The following CDK15 variants were observed in gnomAD, a reference collection of about 807,000 sequenced individuals.
CDK15 encodes the protein cyclin-dependent kinase 15.
In CDK15, 62 loss-of-function variants were observed where a neutral mutation model predicts 60.3. That is an observed-to-expected ratio of 1.03 (90% CI 0.84 to 1.27). CDK15 has a LOEUF of 1.27. Among genes scored for constraint, CDK15 ranks in the 50% most tolerant of loss-of-function variants. The pLI is 0.00. For synonymous variants in CDK15, 194 were observed against 195.7 expected, an observed-to-expected ratio of 0.99 and a Z score of 0.07; for missense variants, 541 against 527.8, an observed-to-expected ratio of 1.03 and a Z score of -0.25.
At chr2:201,875,126 A>G (rs1385480748) in intron 11 of CDK15, among the ~76,000 whole-genome samples, 1 of 151,896 alleles carries the variant, frequency 6.6e-6, no homozygotes, top group Non-Finnish European at 1.5e-5. Context: ...CTCAATTTTC[A>G]TTTTTTCTTA....
intron 8 of CDK15, among the ~76,000 whole-genome samples, chr2:201,838,861 A>G (rs1246230306): frequency 1.3e-5 from 2 of 152,046 alleles, no homozygotes; most frequent in East Asian, 1.9e-4. Flanking sequence ...TTTTTTCATC[A>G]GTATTCTCAT....
chr2:201,894,113 A>ACACACACACACACACC lies in CDK15; in HGVS notation c.*847_*848insACACACACACACACCC. ...CACACACACACACACACACACACACACCCCTCAAGTAAAATGAGAGATCTG... is the reference window on the plus strand; with the variant it reads ...CACACACACACACACACACACACACACACACACACACACACCCCCCTCAAGTAAAATGAGAGATCTG... On this transcript the variant is annotated 3_prime_UTR_variant, in exon 14 of 14. Transcript: ENST00000652192. The ACACACACACACACACC allele has an allele frequency of 7.8e-6, 1 of 128,738 alleles. No individual in the cohort carries two copies. Among genetic ancestry groups the ACACACACACACACACC allele is most frequent in the African/African-American group, 2.8e-5 (1 of 35,964 alleles). 8.0% of individuals were successfully genotyped at this position (128,738 alleles called of 1,614,324 possible). A position where few individuals can be genotyped will look rare whatever the true frequency, so the allele number is the denominator to read the frequency against.
intron 8 of CDK15, among the ~76,000 whole-genome samples, chr2:201,845,831 G>A (rs1355309667): frequency 7.5e-6 from 1 of 134,180 alleles, no homozygotes; most frequent in Non-Finnish European, 1.6e-5. Context: ...AGAGGTTTGC[G>A]GTTAAAAAAA....
chr2:201,876,911 C>A (rs1228237208), intron 11 of CDK15, among the ~76,000 whole-genome samples: 3 of 152,152 alleles, frequency 2.0e-5, no homozygotes, highest in Non-Finnish European at 4.4e-5. Flanking sequence ...GATTCTCCCG[C>A]CTCAGCCCCC....
chr2:201,808,438 T>C (rs1695611120), intron 3 of CDK15, among the ~76,000 whole-genome samples: 1 of 152,218 alleles, frequency 6.6e-6, no homozygotes, highest in South Asian at 2.1e-4. Context: ...CAAAAGATGA[T>C]AAATCCTAGA....
chr2:201,856,398 T>G (rs1464322616), intron 10 of CDK15, among the ~76,000 whole-genome samples: 1 of 152,244 alleles, frequency 6.6e-6, no homozygotes, highest in African/African-American at 2.4e-5. Context: ...TGGTTATATC[T>G]ATTGCTAAAA....
intron 4 of CDK15, among the ~76,000 whole-genome samples, chr2:201,818,159 G>A (rs936455726): frequency 2.0e-5 from 3 of 152,128 alleles, no homozygotes; most frequent in Admixed American, 6.5e-5. Context: ...TGCCAGGCCT[G>A]TGCTAGTGCT....
chr2:201,861,056 G>T, intron 10 of CDK15: 1 of 1,112,300 alleles, frequency 9.0e-7, no homozygotes. Context: ...TTATTCAGTG[G>T]GTTGAACTAA....
chr2:201,857,073 A>G (rs1574909262), intron 10 of CDK15, among the ~76,000 whole-genome samples: 1 of 75,628 alleles, frequency 1.3e-5, no homozygotes, highest in East Asian at 2.6e-4. Flanking sequence ...AATACAAAAA[A>G]AAATTAGCCG....
chr2:201,860,951 G>A, intron 10 of CDK15: 4 of 1,259,192 alleles, frequency 3.2e-6, no homozygotes, highest in Non-Finnish European at 3.1e-6. Context: ...GGCTCAATGA[G>A]TTCTGAGCAA....
chr2:201,877,680 G>T (rs1302057558), intron 11 of CDK15, among the ~76,000 whole-genome samples: 1 of 152,156 alleles, frequency 6.6e-6, no homozygotes, highest in African/African-American at 2.4e-5. Flanking sequence ...CCTGGATGAG[G>T]AATATATCTG....
chr2:201,853,485 T>G (rs1460680899), intron 9 of CDK15, among the ~76,000 whole-genome samples: 1 of 152,180 alleles, frequency 6.6e-6, no homozygotes, highest in Non-Finnish European at 1.5e-5. Context: ...ATTCAGTCAT[T>G]GTTGGGCAAT....
At chr2:201,872,980 GA>G (rs74755662) in intron 11 of CDK15, among the ~76,000 whole-genome samples, 1 of 152,106 alleles carries the variant, frequency 6.6e-6, no homozygotes, top group Non-Finnish European at 1.5e-5. Context: ...GGGCAATGAG[GA>G]AAACATCAGA....
At chr2:201,854,313 A>G (rs1210964453) in intron 9 of CDK15, among the ~76,000 whole-genome samples, 1 of 152,208 alleles carries the variant, frequency 6.6e-6, no homozygotes, top group Non-Finnish European at 1.5e-5. Context: ...GATGAGATGA[A>G]TGTAATAGAA....
intron 11 of CDK15, among the ~76,000 whole-genome samples, chr2:201,879,462 C>T (rs1351390102): frequency 1.1e-4 from 17 of 152,216 alleles, no homozygotes; most frequent in African/African-American, 3.9e-4. Context: ...TCACTGCAGC[C>T]TCTACCTCCC....
At chr2:201,835,792 C>G (rs1246537420) in intron 8 of CDK15, 29 bp downstream of exon 8, 1 of 1,466,456 alleles carries the variant, frequency 6.8e-7, no homozygotes, top group Admixed American at 1.8e-5. Context: ...AAATGTGAGT[C>G]ATCCTACTCA....
intron 12 of CDK15, among the ~76,000 whole-genome samples, chr2:201,886,437 C>T (rs7600555): frequency 1 from 152,023 of 152,068 alleles, 75,989 homozygotes; most frequent in Middle Eastern, 1. Flanking sequence ...GAAATTCTCC[C>T]GCCTCAGCCT....
At chr2:201,881,766 C>A (rs573104336) in intron 12 of CDK15, among the ~76,000 whole-genome samples, 3 of 152,104 alleles carry the variant, frequency 2.0e-5, no homozygotes, top group Non-Finnish European at 4.4e-5. Context: ...CATTCCTCCC[C>A]GGCCACTCCC....
intron 12 of CDK15, among the ~76,000 whole-genome samples, chr2:201,890,356 G>T (rs951603795): frequency 8.5e-5 from 13 of 152,086 alleles, no homozygotes; most frequent in African/African-American, 2.9e-4. Flanking sequence ...ATCCTCCTTG[G>T]CAGTCCTTCA....
Sources: gnomAD v4.1 joint callset for allele counts (sites outside exome capture counted in the v4.1 genomes callset) on GRCh38, gnomAD v4.1.1 for gene constraint, MANE v1.5 for transcripts, NCBI Gene and HGNC (gene_info 2026-07-23, HGNC 2026-07-21) for gene names.